GNAQ: variants seen among roughly 807,000 people sequenced by gnomAD.
GNAQ encodes the protein G protein subunit alpha q, also known as guanine nucleotide-binding protein G(q) subunit alpha.
In GNAQ, 8 loss-of-function variants were observed where a neutral mutation model predicts 43.9. That is an observed-to-expected ratio of 0.18 (90% CI 0.11 to 0.33). The LOEUF is 0.33. Ranked by LOEUF, GNAQ falls within the 10% of genes least tolerant of loss-of-function variation. The probability of loss-of-function intolerance (pLI) is 1.00; values close to 1 mark genes in which losing one functional copy is unlikely to be tolerated. For missense variants in GNAQ, 158 were observed against 450.8 expected (o/e 0.35, Z 5.88); for synonymous variants, 155 against 170.7 (o/e 0.91, Z 0.71).
chr9:77,810,450 A>G (rs1343367472), intron 3 of GNAQ, among the ~76,000 whole-genome samples: 2 of 152,204 alleles, frequency 1.3e-5, no homozygotes, highest in Non-Finnish European at 2.9e-5. Context: ...ATAACTATGT[A>G]CCATTGTAGG....
chr9:77,919,206 C>G (rs1229834811), intron 2 of GNAQ, among the ~76,000 whole-genome samples: 1 of 152,210 alleles, frequency 6.6e-6, no homozygotes, highest in Non-Finnish European at 1.5e-5. Flanking sequence ...AGGTATGAGT[C>G]ACCATACCTG....
intron 1 of GNAQ, among the ~76,000 whole-genome samples, chr9:77,988,100 G>A (rs1287326737): frequency 6.6e-6 from 1 of 152,202 alleles, no homozygotes; most frequent in Non-Finnish European, 1.5e-5. Flanking sequence ...TAGGTTCAAG[G>A]AACAGCAATG....
rs74811099 is a variant in GNAQ at position 77,954,880 on chromosome 9, A to T, written c.137-32535T>A. On this transcript the variant is annotated intron_variant, in intron 1 of 6. Coordinates refer to ENST00000286548, the MANE Select transcript of GNAQ (RefSeq NM_002072.5). ...CACAATAACAAAAACCTTCTGAGGA[A>T]GGCAATAGTAGTCACCAGAGAAAAT... Among the ~76,000 whole-genome samples, 149 of 152,326 alleles carry T rather than the reference A, an allele frequency of 9.8e-4. 1 individual carries two copies. The highest frequency in any genetic ancestry group is 3.1e-3 in the African/African-American group (129 of 41,582).
intron 2 of GNAQ, among the ~76,000 whole-genome samples, chr9:77,891,789 C>A (rs1828409288): frequency 6.6e-6 from 1 of 152,208 alleles, no homozygotes; most frequent in Non-Finnish European, 1.5e-5. Flanking sequence ...GTTCACTCTT[C>A]CAGTGTGATT....
intron 1 of GNAQ, among the ~76,000 whole-genome samples, chr9:77,976,473 ACCTCCG>A (rs1456642135): frequency 2.0e-5 from 3 of 152,008 alleles, no homozygotes; most frequent in Non-Finnish European, 2.9e-5. Context: ...ACTCAGTGCA[ACCTCCG>A]CCTCCCAGGT....
chr9:77,847,039 G>C (rs1342666457), intron 2 of GNAQ, among the ~76,000 whole-genome samples: 2 of 152,146 alleles, frequency 1.3e-5, no homozygotes, highest in Non-Finnish European at 2.9e-5. Flanking sequence ...TGTGGTCGCT[G>C]AGATAGCATC....
intron 5 of GNAQ, among the ~76,000 whole-genome samples, chr9:77,758,820 T>C (rs1004411029): frequency 6.6e-6 from 1 of 152,154 alleles, no homozygotes; most frequent in Non-Finnish European, 1.5e-5. Context: ...TTCTAGTCTT[T>C]TCCATCTCTG....
At chr9:77,943,848 G>A (rs867012306) in intron 1 of GNAQ, among the ~76,000 whole-genome samples, 1 of 151,832 alleles carries the variant, frequency 6.6e-6, no homozygotes, top group Non-Finnish European at 1.5e-5. Context: ...TGTATTTTTA[G>A]TAGAGATGTG....
intron 2 of GNAQ, among the ~76,000 whole-genome samples, chr9:77,857,243 C>T (rs1827769715): frequency 6.6e-6 from 1 of 152,194 alleles, no homozygotes; most frequent in African/African-American, 2.4e-5. Context: ...CATTTCTTTA[C>T]CAAACATGGA....
At chr9:77,772,730 T>G (rs1481511470) in intron 5 of GNAQ, among the ~76,000 whole-genome samples, 1 of 152,212 alleles carries the variant, frequency 6.6e-6, no homozygotes, top group Non-Finnish European at 1.5e-5. Flanking sequence ...TTTGTCTTTT[T>G]TCAACAACAA....
At position 77,831,445 on chromosome 9, in the gene GNAQ, T is replaced by C. The variant is rs144046336; in HGVS notation, c.322-15675A>G. Among the ~76,000 whole-genome samples, 1,079 of 152,326 alleles carry C rather than the reference T, an allele frequency of 7.1e-3. 17 individuals are homozygous for C. Among genetic ancestry groups the C allele is most frequent in the Non-Finnish European group, 9.7e-3 (662 of 68,024 alleles). On this transcript the variant is annotated intron_variant, in intron 2 of 6. Transcript: ENST00000286548. ...ATGCAATTTAAAACCATCATTCATA[T>C]CATTGATAATGTGTTCTAGTATCTA...
At chr9:77,750,172 T>C (rs1825791460) in intron 5 of GNAQ, among the ~76,000 whole-genome samples, 1 of 151,862 alleles carries the variant, frequency 6.6e-6, no homozygotes, top group African/African-American at 2.4e-5. Flanking sequence ...CTTTTATAAA[T>C]ACCAAATTAA....
At chr9:77,919,625 T>C (rs1250796600) in intron 2 of GNAQ, among the ~76,000 whole-genome samples, 5 of 152,184 alleles carry the variant, frequency 3.3e-5, no homozygotes, top group African/African-American at 7.2e-5. Flanking sequence ...CTTTAGAACA[T>C]GTATATGATA....
intron 1 of GNAQ, among the ~76,000 whole-genome samples, chr9:77,998,894 C>T (rs1460375705): frequency 6.6e-6 from 1 of 151,884 alleles, no homozygotes; most frequent in Non-Finnish European, 1.5e-5. Flanking sequence ...CAAGACCAGC[C>T]TGGCCAACAT....
chr9:77,746,974 T>C (rs974404165), intron 5 of GNAQ, among the ~76,000 whole-genome samples: 1 of 152,186 alleles, frequency 6.6e-6, no homozygotes, highest in Non-Finnish European at 1.5e-5. Context: ...TAAACCATTA[T>C]TTGATAAAAA....
chr9:77,731,037 T>C (rs1023075349), intron 5 of GNAQ, among the ~76,000 whole-genome samples: 1 of 152,158 alleles, frequency 6.6e-6, no homozygotes, highest in Non-Finnish European at 1.5e-5. Flanking sequence ...TAAAGAGGTA[T>C]GTTCACCTGG....
chr9:77,865,506 G>A (rs913284540), intron 2 of GNAQ, among the ~76,000 whole-genome samples: 2 of 152,154 alleles, frequency 1.3e-5, no homozygotes, highest in Admixed American at 6.5e-5. Flanking sequence ...AAATACCAAG[G>A]AGCAAAGTCC....
intron 1 of GNAQ, among the ~76,000 whole-genome samples, chr9:77,976,856 G>A (rs749911798): frequency 3.3e-5 from 5 of 152,212 alleles, no homozygotes; most frequent in Admixed American, 6.5e-5. Flanking sequence ...AACATTCAAA[G>A]CTGAACAACA....
intron 2 of GNAQ, among the ~76,000 whole-genome samples, chr9:77,855,552 T>C (rs930707905): frequency 6.6e-6 from 1 of 152,110 alleles, no homozygotes; most frequent in Admixed American, 6.6e-5. Context: ...ATAAGGTCTG[T>C]TTTATATGAA....
Sources: gnomAD v4.1 joint callset for allele counts (sites outside exome capture counted in the v4.1 genomes callset) on GRCh38, gnomAD v4.1.1 for gene constraint, MANE v1.5 for transcripts, NCBI Gene and HGNC (gene_info 2026-07-23, HGNC 2026-07-21) for gene names.